Variants in FIGN observed in about 807,000 individuals in gnomAD.
The protein encoded by FIGN is fidgetin.
A neutral mutation model predicts 51.3 loss-of-function variants in FIGN; 11 were observed. That is an observed-to-expected ratio of 0.21 (90% CI 0.13 to 0.35). The LOEUF (loss-of-function observed/expected upper bound fraction) is 0.35. Ranked by LOEUF, FIGN falls within the 10% of genes least tolerant of loss-of-function variation. The pLI is 1.00. For synonymous variants in FIGN, 407 were observed against 363.2 expected (o/e 1.12, Z -1.37); for missense variants, 857 against 943.6 (o/e 0.91, Z 1.20).
chr2:163,614,581 T>A (rs1198516038), intron 2 of FIGN, among the ~76,000 whole-genome samples: 4 of 151,898 alleles, frequency 2.6e-5, no homozygotes, highest in African/African-American at 9.7e-5. Flanking sequence ...TGAGTATAAA[T>A]GTGATTAGTT....
intron 2 of FIGN, among the ~76,000 whole-genome samples, chr2:163,706,349 G>A (rs1684499499): frequency 6.6e-6 from 1 of 152,026 alleles, no homozygotes; most frequent in Admixed American, 6.6e-5. Flanking sequence ...CTTTGCCCAA[G>A]ACATCCAAAA....
chr2:163,733,531 C>G (rs934086292), intron 2 of FIGN, among the ~76,000 whole-genome samples: 7 of 152,206 alleles, frequency 4.6e-5, no homozygotes, highest in African/African-American at 1.7e-4. Context: ...GCCCATCTGG[C>G]AATCCCATTC....
At chr2:163,689,920 T>C (rs566683170) in intron 2 of FIGN, among the ~76,000 whole-genome samples, 1 of 151,720 alleles carries the variant, frequency 6.6e-6, no homozygotes, top group East Asian at 1.9e-4. Flanking sequence ...CAAGTGTAAC[T>C]AGAATACTTG....
intron 2 of FIGN, among the ~76,000 whole-genome samples, chr2:163,650,989 T>C (rs770646224): frequency 6.6e-6 from 1 of 152,202 alleles, no homozygotes; most frequent in Non-Finnish European, 1.5e-5. Flanking sequence ...GACAGCCTGA[T>C]GATTTTCGAA....
intron 2 of FIGN, among the ~76,000 whole-genome samples, chr2:163,661,180 G>C (rs943818158): frequency 2.0e-5 from 3 of 150,146 alleles, no homozygotes; most frequent in African/African-American, 7.3e-5. Flanking sequence ...CACCGCGCCT[G>C]GCTAGATTTT....
chr2:163,726,129 T>C (rs950253241), intron 2 of FIGN, among the ~76,000 whole-genome samples: 5 of 152,120 alleles, frequency 3.3e-5, no homozygotes, highest in East Asian at 1.9e-4. Context: ...CATATAGGCA[T>C]GTAAAATTCC....
chr2:163,721,964 CATT>C (rs1684765032), intron 2 of FIGN, among the ~76,000 whole-genome samples: 1 of 152,132 alleles, frequency 6.6e-6, no homozygotes, highest in African/African-American at 2.4e-5. Context: ...TTGCCTAACT[CATT>C]ATAATTTAAC....
At chr2:163,687,429 G>A (rs560669299) in intron 2 of FIGN, among the ~76,000 whole-genome samples, 87 of 152,234 alleles carry the variant, frequency 5.7e-4, no homozygotes, top group African/African-American at 1.9e-3. Context: ...GAACAGAGTC[G>A]GGTCACCTGA....
chr2:163,692,673 G>C (rs1684256605), intron 2 of FIGN, among the ~76,000 whole-genome samples: 1 of 152,182 alleles, frequency 6.6e-6, no homozygotes, highest in African/African-American at 2.4e-5. Flanking sequence ...CTGACATTCA[G>C]TCAGTGAAAA....
chr2:163,731,936 T>C (rs1684937007), intron 2 of FIGN, among the ~76,000 whole-genome samples: 1 of 152,112 alleles, frequency 6.6e-6, no homozygotes, highest in Non-Finnish European at 1.5e-5. Context: ...CCCACCCTAC[T>C]CTTCCCTGCT....
Position 163,605,072 on chromosome 2 carries a change from T to C in FIGN, c.*4480A>G, listed in dbSNP as rs1250696325. On this transcript the variant is annotated 3_prime_UTR_variant, in exon 3 of 3. Transcript: ENST00000333129. The stretch of plus-strand genomic sequence containing the variant: ...ATTCATATATTCTCACACAACTCTG[T>C]GGCAAGGCTGACCCATGCTGCCGAC... 4.7e-5 allele frequency: 7 copies of C among 149,176 alleles called. No individual in the cohort carries two copies. Among genetic ancestry groups the C allele is most frequent in the Non-Finnish European group, 3.0e-5 (2 of 67,530 alleles). The allele number at this position is 149,176 out of a possible 1,614,324, so 9.2% of individuals were successfully genotyped here.
intron 2 of FIGN, among the ~76,000 whole-genome samples, chr2:163,717,958 A>AT (rs1234418673): frequency 6.6e-6 from 1 of 152,144 alleles, no homozygotes; most frequent in Non-Finnish European, 1.5e-5. Flanking sequence ...CATGCTATGT[A>AT]TTTTTAAATT....
At chr2:163,731,639 A>G (rs1049395168) in intron 2 of FIGN, among the ~76,000 whole-genome samples, 14 of 152,056 alleles carry the variant, frequency 9.2e-5, no homozygotes, top group African/African-American at 3.4e-4. Flanking sequence ...ATTTTCACTC[A>G]GAAGATATCA....
At chr2:163,644,816 A>G (rs1383626697) in intron 2 of FIGN, among the ~76,000 whole-genome samples, 1 of 152,246 alleles carries the variant, frequency 6.6e-6, no homozygotes, top group Non-Finnish European at 1.5e-5. Context: ...GAAAGAAGCC[A>G]GACAAAAATA....
intron 2 of FIGN, among the ~76,000 whole-genome samples, chr2:163,648,366 C>A (rs1158185197): frequency 1.3e-5 from 2 of 152,194 alleles, no homozygotes; most frequent in African/African-American, 2.4e-5. Flanking sequence ...AAAGCAATGA[C>A]TATTGTCTAA....
intron 2 of FIGN, among the ~76,000 whole-genome samples, chr2:163,628,113 A>ATG (rs1683084450): frequency 6.6e-6 from 1 of 152,168 alleles, no homozygotes; most frequent in Non-Finnish European, 1.5e-5. Flanking sequence ...ATAAATCCAA[A>ATG]TGCCTACTAT....
Position 163,727,175 on chromosome 2 carries a change from C to G in FIGN, c.25+7728G>C, listed in dbSNP as rs114734947. Among the ~76,000 whole-genome samples, 1,089 of 152,132 alleles carry G rather than the reference C, an allele frequency of 7.2e-3. 11 individuals carry two copies. Among genetic ancestry groups the G allele is most frequent in the African/African-American group, 0.025 (1,023 of 41,526 alleles). ...GGCACAACAATATACTATATTGCCACTTATTTACCCAGATTCCTAGTTTAA... is the reference window on the plus strand; with the variant it reads ...GGCACAACAATATACTATATTGCCAGTTATTTACCCAGATTCCTAGTTTAA... On this transcript the variant is annotated intron_variant, in intron 2 of 2. Coordinates refer to ENST00000333129, the MANE Select transcript of FIGN (RefSeq NM_018086.4).
intron 2 of FIGN, among the ~76,000 whole-genome samples, chr2:163,693,174 C>T (rs1441577599): frequency 1.3e-5 from 2 of 152,166 alleles, no homozygotes; most frequent in Non-Finnish European, 2.9e-5. Context: ...TTGCCTCAAC[C>T]TCTAAGCAGA....
At chr2:163,645,872 G>T (rs894135545) in intron 2 of FIGN, among the ~76,000 whole-genome samples, 1 of 152,252 alleles carries the variant, frequency 6.6e-6, no homozygotes, top group East Asian at 1.9e-4. Flanking sequence ...GGGGACAAAG[G>T]TTCCTTCTAC....
Sources: gnomAD v4.1 joint callset for allele counts (sites outside exome capture counted in the v4.1 genomes callset) on GRCh38, gnomAD v4.1.1 for gene constraint, MANE v1.5 for transcripts, NCBI Gene and HGNC (gene_info 2026-07-23, HGNC 2026-07-21) for gene names.